NF1: variants seen among roughly 807,000 people sequenced by gnomAD.
The protein encoded by NF1 is neurofibromin.
In NF1, 122 loss-of-function variants were observed where a neutral mutation model predicts 325.7. The observed-to-expected ratio is 0.37, with a 90% CI of 0.32 to 0.44. The LOEUF is 0.44. NF1 is among the 20% of genes least tolerant of loss of function. NF1 has a pLI of 1.00. For synonymous variants in NF1, 1,091 were observed against 1,186.0 expected (o/e 0.92, Z 1.65); for missense variants, 2,140 against 3,415.4 (o/e 0.63, Z 9.31).
intron 20 of NF1, among the ~76,000 whole-genome samples, chr17:31,228,359 C>G (rs184127833): frequency 6.6e-6 from 1 of 152,064 alleles, no homozygotes; most frequent in Admixed American, 6.5e-5. Flanking sequence ...TATATTTTTA[C>G]GAAGCAAATG....
chr17:31,163,266 C>G lies in NF1; in HGVS notation c.369C>G (p.Thr123=), dbSNP rs146691765. Residue 123 remains threonine (T), a synonymous_variant, in exon 4 of 58, where the codon ACC becomes ACG. Coordinates refer to ENST00000358273, the MANE Select transcript of NF1 (RefSeq NM_001042492.3). ...LLPEICHFLH[T]CREGNQHAAE... is the part of the protein sequence containing the mutation. ...CAGAAATCTGCCATTTTCTTCACACCTGTCGTGAAGGAAACCAGCATGCAG... is the reference window on the plus strand; with the variant it reads ...CAGAAATCTGCCATTTTCTTCACACGTGTCGTGAAGGAAACCAGCATGCAG... 3.7e-4 allele frequency: 595 copies of G among 1,614,134 alleles called. 8 individuals are homozygous for G. In the East Asian group the frequency reaches 0.012, roughly 33 times the overall value.
rs1555614650 is a variant in NF1, at chr17:31,230,923, A to G, written c.3195A>G (p.Thr1065=). The change falls in exon 24 of 58, where the codon ACA becomes ACG. Residue 1065 remains threonine, a splice_region_variant and synonymous_variant. Coordinates refer to ENST00000358273, the MANE Select transcript of NF1 (RefSeq NM_001042492.3). The part of the protein sequence containing the change: ...QAADDDVKCL[T]RDLDQASMEA... ...CAGATGATGATGTAAAATGTCTTACAAGGTAAAAAAAGAATGACCTTCAAG... is the reference window on the plus strand; with the variant it reads ...CAGATGATGATGTAAAATGTCTTACGAGGTAAAAAAAGAATGACCTTCAAG... 6.2e-7 allele frequency: 1 copy of G among 1,608,366 alleles called. No homozygotes were observed. Among genetic ancestry groups the G allele is most frequent in the Non-Finnish European group, 8.5e-7 (1 of 1,176,926 alleles).
chr17:31,357,338 A>G lies in NF1; in HGVS notation c.7939A>G (p.Ser2647Gly). The change falls in exon 54 of 58, where the codon AGT (serine) becomes GGT (glycine). Residue 2647 changes from serine to glycine, a missense_variant. Ser to Gly is a moderately conservative substitution (Grantham distance 56, BLOSUM62 0). Around this residue, in one of 10 missense-constraint regions of NF1, gnomAD observed 522 missense variants for 749.0 expected, o/e 0.70. Transcript: ENST00000358273. The part of the protein sequence containing the change: ...RILYEYLAEA[S>G]VVFPKVFPVV... ...TCTTTATGAATACTTAGCAGAGGCC[A>G]GTGTTGTGTTTCCCAAAGTCTTTCC... The G allele has an allele frequency of 1.9e-6, 3 of 1,613,950 alleles. No individual in the cohort carries two copies. Among genetic ancestry groups the G allele is most frequent in the Non-Finnish European group, 2.5e-6 (3 of 1,179,850 alleles).
intron 50 of NF1, among the ~76,000 whole-genome samples, chr17:31,351,842 A>AT (rs1344417185): frequency 6.6e-6 from 1 of 151,354 alleles, no homozygotes; most frequent in African/African-American, 2.4e-5. Context: ...TTCTTAAAAC[A>AT]TTAAGTGATT....
intron 29 of NF1, among the ~76,000 whole-genome samples, chr17:31,247,564 T>G (rs186680480): frequency 2.8e-4 from 43 of 152,260 alleles, no homozygotes; most frequent in Admixed American, 1.2e-3. Context: ...ACTGCTAGAT[T>G]GGAGGGGAAT....
intron 4 of NF1, among the ~76,000 whole-genome samples, chr17:31,168,819 C>T (rs1359295305): frequency 6.6e-6 from 1 of 152,164 alleles, no homozygotes; most frequent in East Asian, 1.9e-4. Context: ...TTAGTAATCA[C>T]TGATGATCAC....
At chr17:31,148,694 T>C (rs534016221) in intron 1 of NF1, among the ~76,000 whole-genome samples, 1 of 152,300 alleles carries the variant, frequency 6.6e-6, no homozygotes, top group East Asian at 1.9e-4. Flanking sequence ...CTGAAAGTCT[T>C]GGGTTTTTAG....
intron 4 of NF1, 44 bp from the exon 5 acceptor site, chr17:31,169,847 C>G (rs959358673): frequency 4.4e-6 from 6 of 1,377,054 alleles, no homozygotes; most frequent in Non-Finnish European, 6.2e-6. Flanking sequence ...CACCTGTCCC[C>G]TAATACTTAA....
chr17:31,292,994 A>G (rs988236036), intron 36 of NF1, among the ~76,000 whole-genome samples: 2 of 151,904 alleles, frequency 1.3e-5, no homozygotes, highest in African/African-American at 4.8e-5. Flanking sequence ...CCTGGCCAAC[A>G]TGATGAAGCC....
chr17:31,340,385 C>T (rs1302856952), intron 46 of NF1, 120 bp from the exon 47 acceptor site: 1 of 1,314,582 alleles, frequency 7.6e-7, no homozygotes, highest in African/African-American at 1.5e-5. Flanking sequence ...TTATCTTCCC[C>T]AAAAGAGAAA....
chr17:31,237,765 A>G (rs1301047005), intron 29 of NF1, among the ~76,000 whole-genome samples: 1 of 145,920 alleles, frequency 6.9e-6, no homozygotes. Context: ...AAGCAATTTT[A>G]CTTTCTAAAG....
chr17:31,338,264 G>A (rs1162146440), intron 45 of NF1, 125 bp downstream of exon 45: 1 of 738,684 alleles, frequency 1.4e-6, no homozygotes, highest in Non-Finnish European at 2.4e-6. Flanking sequence ...TACTTATTAA[G>A]CCTTTAAAAT....
At chr17:31,180,424 G>T (rs1333320277) in intron 5 of NF1, among the ~76,000 whole-genome samples, 1 of 152,182 alleles carries the variant, frequency 6.6e-6, no homozygotes, top group Non-Finnish European at 1.5e-5. Flanking sequence ...TCCCTGGGAT[G>T]CAAGGCTGGT....
intron 1 of NF1, among the ~76,000 whole-genome samples, chr17:31,131,786 C>T (rs1382422359): frequency 6.6e-6 from 1 of 152,106 alleles, no homozygotes. Context: ...GTCTGGATTT[C>T]ATATCAAGGT....
intron 1 of NF1, among the ~76,000 whole-genome samples, chr17:31,103,625 G>C (rs1021418596): frequency 6.6e-6 from 1 of 152,132 alleles, no homozygotes; most frequent in Non-Finnish European, 1.5e-5. Flanking sequence ...GCCTCCCAAA[G>C]TGCTGGGATT....
intron 51 of NF1, among the ~76,000 whole-genome samples, chr17:31,354,544 G>A (rs2070226502): frequency 6.6e-6 from 1 of 152,126 alleles, no homozygotes; most frequent in African/African-American, 2.4e-5. Flanking sequence ...AGAAGAACAT[G>A]ACCAAATTTT....
chr17:31,195,071 A>G (rs1478964513), intron 8 of NF1, among the ~76,000 whole-genome samples: 1 of 152,162 alleles, frequency 6.6e-6, no homozygotes, highest in African/African-American at 2.4e-5. Flanking sequence ...GATAGAAATC[A>G]TTGTAAAATC....
chr17:31,206,519 T>G, intron 12 of NF1, 148 bp downstream of exon 12: 1 of 918,966 alleles, frequency 1.1e-6, no homozygotes, highest in Non-Finnish European at 1.7e-6. Context: ...GTATCTAGAA[T>G]ATTGTTGAAT....
At chr17:31,237,585 G>A (rs7215555) in intron 29 of NF1, among the ~76,000 whole-genome samples, 115,495 of 151,400 alleles carry the variant, frequency 0.76, 44,960 homozygotes, top group African/African-American at 0.93. Context: ...CCAAAGCAAT[G>A]TTTTGTAAAG....
Sources: allele counts gnomAD v4.1 joint callset (sites outside exome capture counted in the v4.1 genomes callset), GRCh38; gene constraint gnomAD v4.1.1; regional missense constraint gnomAD v4.1.1; transcripts MANE v1.5; gene names NCBI Gene and HGNC (gene_info 2026-07-23, HGNC 2026-07-21).